Variants in ATP6V0A4 observed in about 807,000 individuals in gnomAD.
ATP6V0A4 encodes V-type proton ATPase 116 kDa subunit a 4.
A neutral mutation model predicts 107.3 loss-of-function variants in ATP6V0A4; 86 were observed. The observed-to-expected ratio is 0.80, with a 90% CI of 0.67 to 0.96. ATP6V0A4 has a LOEUF of 0.96. Ranked by LOEUF, ATP6V0A4 falls within the 40% of genes least tolerant of loss-of-function variation. The probability of loss-of-function intolerance (pLI) is 0.00; values close to 1 mark genes in which losing one functional copy is unlikely to be tolerated. For synonymous variants in ATP6V0A4, 353 were observed against 381.4 expected, an observed-to-expected ratio of 0.93 and a Z score of 0.87; for missense variants, 908 against 1,045.6, an observed-to-expected ratio of 0.87 and a Z score of 1.81.
intron 16 of ATP6V0A4, 47 bp downstream of exon 16, chr7:138,734,089 T>A (rs753053757): frequency 1.3e-6 from 2 of 1,557,826 alleles, no homozygotes; most frequent in Non-Finnish European, 1.8e-6. Flanking sequence ...CCATTCATCA[T>A]CAGTGTGATC....
intron 17 of ATP6V0A4, among the ~76,000 whole-genome samples, chr7:138,731,819 G>A (rs932012806): frequency 2.6e-5 from 4 of 152,070 alleles, no homozygotes; most frequent in African/African-American, 9.7e-5. Flanking sequence ...CTTGAACCCA[G>A]GAGGCGGAGG....
chr7:138,770,680 A>C (rs1299538065), intron 3 of ATP6V0A4, among the ~76,000 whole-genome samples: 1 of 152,228 alleles, frequency 6.6e-6, no homozygotes, highest in Non-Finnish European at 1.5e-5. Context: ...GTCTAACTCT[A>C]GAATATCACT....
At chr7:138,780,464 T>G (rs1807868695) in intron 2 of ATP6V0A4, among the ~76,000 whole-genome samples, 1 of 152,154 alleles carries the variant, frequency 6.6e-6, no homozygotes, top group South Asian at 2.1e-4. Context: ...TACCAGTCTA[T>G]GGACCCCCCA....
intron 2 of ATP6V0A4, among the ~76,000 whole-genome samples, chr7:138,775,261 C>T (rs906539915): frequency 2.6e-5 from 4 of 152,068 alleles, no homozygotes; most frequent in Admixed American, 1.3e-4. Context: ...CCACACCCCA[C>T]CCACTTCCCC....
intron 8 of ATP6V0A4, among the ~76,000 whole-genome samples, chr7:138,757,356 A>T (rs1298326682): frequency 6.6e-6 from 1 of 152,112 alleles, no homozygotes; most frequent in Non-Finnish European, 1.5e-5. Flanking sequence ...TCTCTACAAA[A>T]AATACAAGAA....
At position 138,721,761 on chromosome 7, in the gene ATP6V0A4, C is replaced by T. The variant is rs573805417; in HGVS notation, c.2139+136G>A. The T allele has an allele frequency of 1.1e-5, 11 of 984,520 alleles. No individual in the cohort carries two copies. The East Asian group carries it at 2.8e-4, about 25-fold the overall frequency. The allele number at this position is 984,520 out of a possible 1,614,324, so 61.0% of individuals were successfully genotyped here. On this transcript the variant is annotated intron_variant, in intron 19 of 21. Transcript: ENST00000310018. ...TAGGTCCCCTTCCCTGAGACCTTCACAGCTTCCCAGGACTCAGCAGTGACA... is the reference window on the plus strand; with the variant it reads ...TAGGTCCCCTTCCCTGAGACCTTCATAGCTTCCCAGGACTCAGCAGTGACA...
intron 2 of ATP6V0A4, among the ~76,000 whole-genome samples, chr7:138,775,918 G>A (rs1322004314): frequency 6.6e-6 from 1 of 152,100 alleles, no homozygotes; most frequent in Non-Finnish European, 1.5e-5. Context: ...CCAAAGTGCT[G>A]GGATTACAGG....
chr7:138,764,171 A>G (rs1806972123), intron 5 of ATP6V0A4, among the ~76,000 whole-genome samples: 1 of 151,858 alleles, frequency 6.6e-6, no homozygotes, highest in Non-Finnish European at 1.5e-5. Context: ...TAAAACTATG[A>G]AAAAATAAAG....
rs372539397 is a variant in ATP6V0A4, at chr7:138,752,763, G to C, written c.891C>G (p.Ile297Met). The change falls in exon 11 of 22, where the codon ATC (isoleucine) becomes ATG (methionine). Residue 297 changes from isoleucine (I) to methionine (M), a missense_variant. Coordinates refer to ENST00000310018, the MANE Select transcript of ATP6V0A4 (RefSeq NM_020632.3). ...EAAANWHSWL[I>M]KVQKMKAVYH... ...AGACAGCTTTCATCTTCTGCACCTT[G>C]ATGAGCCAGGAGTGCCAGTTGGCAG... is the stretch of plus-strand genomic sequence containing the variant. 3.1e-6 allele frequency: 5 copies of C among 1,614,208 alleles called. No individual in the cohort carries two copies. The highest frequency in any genetic ancestry group is 1.1e-5 in the South Asian group (1 of 91,076).
intron 21 of ATP6V0A4, among the ~76,000 whole-genome samples, chr7:138,708,873 A>G (rs926935462): frequency 4.6e-5 from 7 of 152,162 alleles, no homozygotes; most frequent in African/African-American, 1.7e-4. Flanking sequence ...CAGGAGTTTG[A>G]GACCAGCCTG....
At chr7:138,763,895 G>C (rs1389091333) in intron 5 of ATP6V0A4, among the ~76,000 whole-genome samples, 1 of 150,746 alleles carries the variant, frequency 6.6e-6, no homozygotes, top group Admixed American at 6.6e-5. Flanking sequence ...GGGAGGCAGA[G>C]GTTACAGTGA....
At chr7:138,785,704 G>A (rs1025695841) in intron 2 of ATP6V0A4, among the ~76,000 whole-genome samples, 4 of 152,038 alleles carry the variant, frequency 2.6e-5, no homozygotes, top group Non-Finnish European at 4.4e-5. Flanking sequence ...AAAAAAAAGA[G>A]AGAATGAATT....
chr7:138,771,142 GA>G lies in ATP6V0A4; in HGVS notation c.105del (p.Gln36SerfsTer5), dbSNP rs587776616. ...CVAELGELGLVQFKDLNMNVN... is the reference protein window; with the variant it reads ...CVAELGELGLXQFKDLNMNVN... ...AACTCAGTACCTACATCTTTGAACT[GA>G]ACCAATCCGAGCTCTCCGAGCTCAG... On this transcript the variant is annotated frameshift_variant, in exon 3 of 22. Coordinates refer to ENST00000310018, the MANE Select transcript of ATP6V0A4 (RefSeq NM_020632.3). LOFTEE classifies it high-confidence loss of function. 1 of 1,614,020 alleles carries G rather than the reference GA, an allele frequency of 6.2e-7. No homozygotes were observed. The highest frequency in any genetic ancestry group is 1.1e-5 in the South Asian group (1 of 91,080).
Position 138,769,241 on chromosome 7 carries a change from T to C in ATP6V0A4, c.128A>G (p.Asn43Ser), listed in dbSNP as rs746859295. 1 of 1,612,460 alleles carries C rather than the reference T, an allele frequency of 6.2e-7. No homozygotes were observed. Among genetic ancestry groups the C allele is most frequent in the Non-Finnish European group, 8.5e-7 (1 of 1,179,950 alleles). ...AAATTTCCTTTGAAAGCTGTTCACA[T>C]TCATATTTAACTATGGGGGCGAAAA... Reference protein sequence around the residue: ...GLVQFKDLNMNVNSFQRKFVN... With the variant: ...GLVQFKDLNMSVNSFQRKFVN... Residue 43 changes from asparagine (N) to serine (S), a missense_variant, in exon 4 of 22, where the codon AAT (asparagine) becomes AGT (serine). Transcript: ENST00000310018.
chr7:138,733,731 C>T (rs976554822), intron 16 of ATP6V0A4, among the ~76,000 whole-genome samples: 4 of 151,986 alleles, frequency 2.6e-5, no homozygotes, highest in African/African-American at 4.8e-5. Context: ...GTGCCCGACA[C>T]CATGCCTGGC....
At chr7:138,746,215 T>C (rs1023779136) in intron 13 of ATP6V0A4, among the ~76,000 whole-genome samples, 2 of 151,178 alleles carry the variant, frequency 1.3e-5, no homozygotes, top group African/African-American at 4.9e-5. Flanking sequence ...GCTATATTTA[T>C]GACAAGTCAG....
intron 19 of ATP6V0A4, among the ~76,000 whole-genome samples, chr7:138,717,902 T>G: frequency 1.1e-5 from 1 of 90,446 alleles, no homozygotes; most frequent in Non-Finnish European, 2.1e-5. Context: ...AGTGAGACTC[T>G]GTCTCGGAAA....
At chr7:138,708,680 C>T (rs1025197541) in intron 21 of ATP6V0A4, among the ~76,000 whole-genome samples, 3 of 152,182 alleles carry the variant, frequency 2.0e-5, no homozygotes, top group Non-Finnish European at 4.4e-5. Context: ...CCAGGGCTCC[C>T]GGTGAGCGTC....
intron 1 of ATP6V0A4, among the ~76,000 whole-genome samples, chr7:138,790,461 AT>A (rs1200237208): frequency 6.6e-6 from 1 of 152,026 alleles, no homozygotes; most frequent in Middle Eastern, 3.2e-3. Flanking sequence ...GGACTGGCTA[AT>A]TTTTGTATTT....
Sources: allele counts gnomAD v4.1 joint callset (sites outside exome capture counted in the v4.1 genomes callset), GRCh38; gene constraint gnomAD v4.1.1; transcripts MANE v1.5; gene names NCBI Gene and HGNC (gene_info 2026-07-23, HGNC 2026-07-21).